Variants in P2RY6 observed in about 807,000 individuals in gnomAD.
The protein encoded by P2RY6 is pyrimidinergic receptor P2Y6.
P2RY6 carries 19 observed loss-of-function variants against 16.3 expected under a neutral mutation model. That is an observed-to-expected ratio of 1.16 (90% CI 0.81 to 1.71). The LOEUF is 1.71. Ranked by LOEUF, P2RY6 falls within the 40% of genes most tolerant of loss-of-function variation. The pLI is 0.00. For missense variants in P2RY6, 389 were observed against 455.5 expected (o/e 0.85, Z 1.33); for synonymous variants, 184 against 201.5 (o/e 0.91, Z 0.74).
At chr11:73,275,251 C>G (rs1863490842) in intron 1 of P2RY6, among the ~76,000 whole-genome samples, 1 of 152,172 alleles carries the variant, frequency 6.6e-6, no homozygotes, top group Admixed American at 6.5e-5. Context: ...TCCTGACTCC[C>G]AGGGCAGTGC....
intron 1 of P2RY6, among the ~76,000 whole-genome samples, chr11:73,274,332 G>A (rs759687118): frequency 1.1e-4 from 16 of 152,278 alleles, no homozygotes; most frequent in African/African-American, 1.4e-4. Flanking sequence ...AAATCATTCC[G>A]TCAAAATTGA....
intron 2 of P2RY6, 23 bp from the exon 3 acceptor site, chr11:73,296,462 C>T: frequency 6.3e-7 from 1 of 1,581,944 alleles, no homozygotes; most frequent in Non-Finnish European, 8.6e-7. Context: ...ATGTCACTGA[C>T]AGGCTGTGTA....
Position 73,274,540 on chromosome 11 carries a change from C to CAAAAA in P2RY6, c.-121+2085_-121+2089dup, listed in dbSNP as rs59442426. On this transcript the variant is annotated intron_variant, in intron 1 of 2. Transcript: ENST00000540124. The stretch of plus-strand genomic sequence containing the variant: ...CTGGGTGACAAGAGCGAGACTGTCT[C>CAAAAA]AAAAAAAAAAAAAAAGAAAGAAAGA... 4.2e-3 allele frequency among the ~76,000 whole-genome samples: 291 copies of CAAAAA among 68,524 alleles called. 1 individual carries two copies. The highest frequency in any genetic ancestry group is 0.011 in the African/African-American group (273 of 24,344). 45.0% of individuals were successfully genotyped at this position (68,524 alleles called of 152,430 possible). A position where few individuals can be genotyped will look rare whatever the true frequency, so the allele number is the denominator to read the frequency against.
In P2RY6 at chr11:73,297,179, CGCCAGGATGGCCCGGCAGA is replaced by C. The variant is rs758009142; in HGVS notation, c.665_683del (p.Gln222LeufsTer131). ...CTGTCTCCTGGCCTGCCGCCTGTGC[CGCCAGGATGGCCCGGCAGA>C]GCCTGTGGCCCAGGAGCGGCGTGGC... On this transcript the variant is annotated frameshift_variant, in exon 3 of 3. Coordinates refer to ENST00000540124, the MANE Select transcript of P2RY6 (RefSeq NM_001277204.2). LOFTEE classifies it high-confidence loss of function. 1.2e-6 allele frequency: 2 copies of C among 1,604,100 alleles called. No individual in the cohort carries two copies. The highest frequency in any genetic ancestry group is 2.2e-5 in the South Asian group (2 of 91,070).
intron 1 of P2RY6, among the ~76,000 whole-genome samples, chr11:73,291,494 C>T (rs1323415873): frequency 6.6e-6 from 1 of 152,254 alleles, no homozygotes; most frequent in African/African-American, 2.4e-5. Flanking sequence ...GGTCCACACT[C>T]AGCTGGCAGA....
Position 73,282,078 on chromosome 11 carries a change from G to A in P2RY6, c.-121+9612G>A, listed in dbSNP as rs148759014. Among the ~76,000 whole-genome samples, 96 of 152,204 alleles carry A rather than the reference G, an allele frequency of 6.3e-4. 1 individual carries two copies. The highest frequency in any genetic ancestry group is 1.2e-3 in the Non-Finnish European group (80 of 68,042). ...GCTTTCCACCTGTGACCTGCGAGCTGGTGTGGAACATCTGTCTTTCCACTA... is the reference window on the plus strand; with the variant it reads ...GCTTTCCACCTGTGACCTGCGAGCTAGTGTGGAACATCTGTCTTTCCACTA... On this transcript the variant is annotated intron_variant, in intron 1 of 2. Coordinates refer to ENST00000540124, the MANE Select transcript of P2RY6 (RefSeq NM_001277204.2).
At chr11:73,275,308 G>A (rs1390265912) in intron 1 of P2RY6, among the ~76,000 whole-genome samples, 3 of 152,190 alleles carry the variant, frequency 2.0e-5, no homozygotes, top group Non-Finnish European at 4.4e-5. Flanking sequence ...TGTGGTACCA[G>A]GAGGCAGATC....
intron 1 of P2RY6, among the ~76,000 whole-genome samples, chr11:73,281,849 C>T (rs978735180): frequency 2.6e-5 from 4 of 152,236 alleles, no homozygotes; most frequent in Non-Finnish European, 5.9e-5. Flanking sequence ...CTCCCCTCCC[C>T]AGTCTGTCTG....
upstream of P2RY6, among the ~76,000 whole-genome samples, chr11:73,268,671 A>G: frequency 6.6e-6 from 1 of 152,178 alleles, no homozygotes; most frequent in East Asian, 1.9e-4. Context: ...ACCACCAACC[A>G]TGCTTCCTGC....
rs1419092715 is a variant in P2RY6 at position 73,297,581 on chromosome 11, T to C, written c.*76T>C. On this transcript the variant is annotated 3_prime_UTR_variant, in exon 3 of 3. Coordinates refer to ENST00000540124, the MANE Select transcript of P2RY6 (RefSeq NM_001277204.2). ...CAGGAGCCCCACCAACCCCAAACCA[T>C]GCGGAGAATTAGAGTTCAGCTCAGC... The C allele has an allele frequency of 1.7e-6, 2 of 1,159,112 alleles. No individual in the cohort carries two copies. The highest frequency in any genetic ancestry group is 1.5e-5 in the African/African-American group (1 of 64,832). The allele number at this position is 1,159,112 out of a possible 1,614,324, so 71.8% of individuals were successfully genotyped here. A position where few individuals can be genotyped will look rare whatever the true frequency, so the allele number is the denominator to read the frequency against.
chr11:73,277,244 G>C (rs1349579077), intron 1 of P2RY6, among the ~76,000 whole-genome samples: 1 of 151,930 alleles, frequency 6.6e-6, no homozygotes, highest in Non-Finnish European at 1.5e-5. Flanking sequence ...CTCCCAAGTA[G>C]CTGGGATTAC....
chr11:73,270,883 C>A (rs972782052), upstream of P2RY6, among the ~76,000 whole-genome samples: 1 of 152,120 alleles, frequency 6.6e-6, no homozygotes, highest in Admixed American at 6.5e-5. Flanking sequence ...TGGGGCCTGT[C>A]CACCTGTCCG....
intron 1 of P2RY6, among the ~76,000 whole-genome samples, chr11:73,266,858 C>T (rs1054592518): frequency 6.6e-6 from 1 of 152,088 alleles, no homozygotes; most frequent in Non-Finnish European, 1.5e-5. Flanking sequence ...GCCCTGAGAG[C>T]TTCTCTGGAA....
At position 73,297,473 on chromosome 11, in the gene P2RY6, C is replaced by T; in HGVS notation, c.955C>T (p.Leu319Phe). The T allele has an allele frequency of 6.2e-7, 1 of 1,610,516 alleles. No individual in the cohort carries two copies. The highest frequency in any genetic ancestry group is 8.5e-7 in the Non-Finnish European group (1 of 1,177,848). The change falls in exon 3 of 3, where the codon CTC (leucine) becomes TTC (phenylalanine). Residue 319 changes from leucine to phenylalanine, a missense_variant. Physicochemically the swap from Leu to Phe is conservative, Grantham distance 22. Transcript: ENST00000540124. ...RRRPHELLQK[L>F]TAKWQRQGR ...GCGACCACATGAGCTCCTACAGAAACTCACAGCCAAATGGCAGAGGCAGGG... is the reference window on the plus strand; with the variant it reads ...GCGACCACATGAGCTCCTACAGAAATTCACAGCCAAATGGCAGAGGCAGGG...
intron 1 of P2RY6, among the ~76,000 whole-genome samples, chr11:73,276,929 A>T (rs1863561676): frequency 6.6e-6 from 1 of 152,144 alleles, no homozygotes; most frequent in Non-Finnish European, 1.5e-5. Context: ...GAAGCTTGAG[A>T]TGAATGTTGG....
In P2RY6 at chr11:73,295,728, A is replaced by C. The variant is rs1205223771; in HGVS notation, c.-120-2A>C. 19 of 981,924 alleles carry C rather than the reference A, an allele frequency of 1.9e-5. No individual in the cohort carries two copies. The highest frequency in any genetic ancestry group is 2.3e-5 in the Non-Finnish European group (19 of 826,884). The allele number at this position is 981,924 out of a possible 1,614,324, so 60.8% of individuals were successfully genotyped here. A position where few individuals can be genotyped will look rare whatever the true frequency, so the allele number is the denominator to read the frequency against. On this transcript the variant is annotated splice_acceptor_variant, in intron 1 of 2. Transcript: ENST00000540124. LOFTEE classifies it low-confidence loss of function (5UTR_SPLICE). Reference sequence around the variant, plus strand: ...GTATCACCTCCTTCCCCTATTTTACAGATAACAAGACCTCTGCCAGAAGAA... The same window carrying C: ...GTATCACCTCCTTCCCCTATTTTACCGATAACAAGACCTCTGCCAGAAGAA...
At chr11:73,294,648 C>A (rs1270379617) in intron 1 of P2RY6, among the ~76,000 whole-genome samples, 1 of 152,166 alleles carries the variant, frequency 6.6e-6, no homozygotes, top group African/African-American at 2.4e-5. Flanking sequence ...ACTATAGAAT[C>A]CAACATTATC....
At chr11:73,277,681 C>A (rs1036717285) in intron 1 of P2RY6, among the ~76,000 whole-genome samples, 9 of 152,204 alleles carry the variant, frequency 5.9e-5, no homozygotes, top group African/African-American at 2.2e-4. Flanking sequence ...GAACCTGGAG[C>A]TTAGGCAATC....
chr11:73,281,126 G>T (rs1014522558), intron 1 of P2RY6, among the ~76,000 whole-genome samples: 1 of 152,204 alleles, frequency 6.6e-6, no homozygotes, highest in African/African-American at 2.4e-5. Flanking sequence ...GAAATGACAA[G>T]TCCTGCCCAT....
Sources: gnomAD v4.1 joint callset for allele counts (sites outside exome capture counted in the v4.1 genomes callset) on GRCh38, gnomAD v4.1.1 for gene constraint, MANE v1.5 for transcripts, NCBI Gene and HGNC (gene_info 2026-07-23, HGNC 2026-07-21) for gene names.